The following HPSE2 variants were observed in gnomAD, a reference collection of about 807,000 sequenced individuals.
HPSE2 encodes inactive heparanase-2.
A neutral mutation model predicts 60.5 loss-of-function variants in HPSE2; 38 were observed. That is an observed-to-expected ratio of 0.63 (90% CI 0.48 to 0.82). The LOEUF is 0.82. HPSE2 is among the 40% of genes least tolerant of loss of function. HPSE2 has a pLI of 0.00. For missense variants in HPSE2, 713 were observed against 740.4 expected (o/e 0.96, Z 0.43); for synonymous variants, 295 against 293.2 (o/e 1.01, Z -0.06).
In HPSE2 at chr10:99,160,743, C is replaced by T. The variant is rs573024720; in HGVS notation, c.449-16344G>A. On this transcript the variant is annotated intron_variant, in intron 2 of 11. Coordinates refer to ENST00000370552, the MANE Select transcript of HPSE2 (RefSeq NM_021828.5). ...TGAAACCCCGTCTCTACTAAAAATA[C>T]AAAAAATTAGCCGGGCGTAGTGGCG... is the stretch of plus-strand genomic sequence containing the variant. Among the ~76,000 whole-genome samples the T allele has an allele frequency of 5.2e-3, 781 of 150,928 alleles. 9 individuals are homozygous for T. The highest frequency in any genetic ancestry group is 0.018 in the African/African-American group (740 of 41,178).
chr10:98,944,563 T>C (rs2135168651), intron 3 of HPSE2, among the ~76,000 whole-genome samples: 1 of 152,298 alleles, frequency 6.6e-6, no homozygotes, highest in East Asian at 1.9e-4. Flanking sequence ...ATTTTATGCA[T>C]ATGCATTATC....
chr10:99,001,055 C>G (rs541342294), intron 3 of HPSE2, among the ~76,000 whole-genome samples: 2 of 152,120 alleles, frequency 1.3e-5, no homozygotes, highest in African/African-American at 4.8e-5. Flanking sequence ...CTAATGTTGT[C>G]TCTTTGGGAT....
intron 3 of HPSE2, among the ~76,000 whole-genome samples, chr10:98,973,502 G>A (rs1338813370): frequency 1.3e-5 from 2 of 152,158 alleles, no homozygotes; most frequent in African/African-American, 4.8e-5. Flanking sequence ...TTTCCTGCCT[G>A]CAAACACCTT....
chr10:99,028,246 A>T (rs1354693722), intron 3 of HPSE2, among the ~76,000 whole-genome samples: 1 of 152,192 alleles, frequency 6.6e-6, no homozygotes, highest in African/African-American at 2.4e-5. Context: ...TTTGGAAAAA[A>T]CTAAAGACTC....
chr10:99,108,128 C>T lies in HPSE2; in HGVS notation c.610+36110G>A, dbSNP rs376672125. On this transcript the variant is annotated intron_variant, in intron 3 of 11. Transcript: ENST00000370552. Reference sequence around the variant, plus strand: ...CTCCTCTTTGAAAGATAGTTCAGAGCGCCTGGAAAGCAAAGATACTGTTAT... The same window carrying T: ...CTCCTCTTTGAAAGATAGTTCAGAGTGCCTGGAAAGCAAAGATACTGTTAT... 1.1e-4 allele frequency among the ~76,000 whole-genome samples: 16 copies of T among 152,088 alleles called. No individual in the cohort carries two copies. The East Asian group carries it at 1.7e-3, about 17-fold the overall frequency.
chr10:98,626,131 G>A (rs1003355357), intron 7 of HPSE2, among the ~76,000 whole-genome samples: 8 of 148,868 alleles, frequency 5.4e-5, no homozygotes, highest in Non-Finnish European at 7.4e-5. Context: ...AAAGAAAAAA[G>A]AAAAAAGATG....
intron 9 of HPSE2, among the ~76,000 whole-genome samples, chr10:98,581,878 C>T (rs1046253297): frequency 3.3e-5 from 5 of 152,180 alleles, no homozygotes; most frequent in African/African-American, 4.8e-5. Context: ...CAAATTAGCA[C>T]ATTTTAATAA....
intron 11 of HPSE2, among the ~76,000 whole-genome samples, chr10:98,463,026 G>A (rs996253540): frequency 6.6e-6 from 1 of 151,784 alleles, no homozygotes; most frequent in Admixed American, 6.6e-5. Flanking sequence ...AGAAAGCTTG[G>A]AGTCTTCTGA....
At chr10:98,634,240 C>G (rs896505246) in intron 7 of HPSE2, among the ~76,000 whole-genome samples, 1 of 152,124 alleles carries the variant, frequency 6.6e-6, no homozygotes, top group Admixed American at 6.5e-5. Flanking sequence ...ATTCACCTGC[C>G]CCTCGCTTTG....
intron 2 of HPSE2, among the ~76,000 whole-genome samples, chr10:99,186,314 G>C (rs1307474232): frequency 6.6e-6 from 1 of 151,982 alleles, no homozygotes; most frequent in Non-Finnish European, 1.5e-5. Flanking sequence ...AGAGGCCAAG[G>C]CAGGCAGATC....
At chr10:98,849,121 G>C (rs1044146085) in intron 3 of HPSE2, among the ~76,000 whole-genome samples, 4 of 152,114 alleles carry the variant, frequency 2.6e-5, no homozygotes, top group Non-Finnish European at 5.9e-5. Flanking sequence ...GAAGTCCAAA[G>C]AGGTTAAGCA....
chr10:98,687,828 T>A (rs10883157), intron 6 of HPSE2, among the ~76,000 whole-genome samples: 80,641 of 151,866 alleles, frequency 0.53, 22,934 homozygotes, highest in South Asian at 0.77. Flanking sequence ...ATTTTCAATC[T>A]GTGTCTTTAT....
chr10:99,229,841 C>T (rs1564909311), intron 2 of HPSE2, among the ~76,000 whole-genome samples: 1 of 152,170 alleles, frequency 6.6e-6, no homozygotes, highest in African/African-American at 2.4e-5. Context: ...CCTAAGAAGG[C>T]TTAATTACTT....
intron 2 of HPSE2, among the ~76,000 whole-genome samples, chr10:99,149,713 A>T (rs1400992686): frequency 6.6e-6 from 1 of 152,168 alleles, no homozygotes; most frequent in Non-Finnish European, 1.5e-5. Context: ...CAACACTTTT[A>T]TGGTTCCACA....
intron 9 of HPSE2, among the ~76,000 whole-genome samples, chr10:98,505,739 C>T (rs952965144): frequency 7.2e-5 from 11 of 152,086 alleles, no homozygotes; most frequent in South Asian, 4.1e-4. Flanking sequence ...CATATTTTTC[C>T]GTATGGATAG....
chr10:98,601,937 A>G (rs1176935949), intron 9 of HPSE2, among the ~76,000 whole-genome samples: 1 of 152,202 alleles, frequency 6.6e-6, no homozygotes, highest in Non-Finnish European at 1.5e-5. Context: ...CAAATAGGGT[A>G]ACTCTCAGGC....
intron 5 of HPSE2, among the ~76,000 whole-genome samples, chr10:98,701,643 TAATAA>T (rs61041909): frequency 0.29 from 32,407 of 112,126 alleles, 3,835 homozygotes; most frequent in East Asian, 0.5. Flanking sequence ...AGTATAATAA[TAATAA>T]AATAAAATAA....
At chr10:99,275,649 C>G in the HPSE2 span, among the ~76,000 whole-genome samples, 1 of 152,122 alleles carries the variant, frequency 6.6e-6, no homozygotes, top group Admixed American at 6.5e-5. Flanking sequence ...TCTTCTAATC[C>G]TAAACTCCAT....
chr10:99,281,197 A>G, the HPSE2 span, among the ~76,000 whole-genome samples: 1 of 149,136 alleles, frequency 6.7e-6, no homozygotes. Context: ...TTAATTTTAT[A>G]TTACATCTTA....
Sources: gnomAD v4.1 joint callset for allele counts (sites outside exome capture counted in the v4.1 genomes callset) on GRCh38, gnomAD v4.1.1 for gene constraint, MANE v1.5 for transcripts, NCBI Gene and HGNC (gene_info 2026-07-23, HGNC 2026-07-21) for gene names.